Variants in MUSK observed in about 807,000 individuals in gnomAD.
MUSK encodes the protein muscle, skeletal receptor tyrosine-protein kinase.
Under a neutral mutation model 88.7 loss-of-function variants are expected in MUSK, and 55 were observed. The observed-to-expected ratio is 0.62, with a 90% CI of 0.50 to 0.78. The LOEUF is 0.78. Ranked by LOEUF, MUSK falls within the 30% of genes least tolerant of loss-of-function variation. The probability of loss-of-function intolerance (pLI) is 0.00; values close to 1 mark genes in which losing one functional copy is unlikely to be tolerated. For missense variants in MUSK, 1,015 were observed against 1,074.3 expected (o/e 0.94, Z 0.77); for synonymous variants, 387 against 391.9 (o/e 0.99, Z 0.15).
At chr9:110,770,632 A>G (rs2077559688) in intron 9 of MUSK, among the ~76,000 whole-genome samples, 1 of 151,288 alleles carries the variant, frequency 6.6e-6, no homozygotes, top group African/African-American at 2.4e-5. Flanking sequence ...CAATTAACTT[A>G]GGGCACAGAG....
intron 4 of MUSK, among the ~76,000 whole-genome samples, chr9:110,695,935 T>C (rs967881984): frequency 6.6e-6 from 1 of 151,842 alleles, no homozygotes; most frequent in Non-Finnish European, 1.5e-5. Flanking sequence ...AGAAAAGAAA[T>C]GAGATCTCTG....
intron 7 of MUSK, among the ~76,000 whole-genome samples, chr9:110,756,878 C>T (rs1417006312): frequency 2.0e-5 from 3 of 151,734 alleles, no homozygotes; most frequent in Admixed American, 1.3e-4. Flanking sequence ...TACATATTTC[C>T]TACGTGTGTG....
At position 110,805,825 on chromosome 9, in the gene MUSK, T is replaced by A. The variant is rs541137748; in HGVS notation, c.*4837T>A. Among the ~76,000 whole-genome samples the A allele has an allele frequency of 1.7e-3, 120 of 69,534 alleles. No homozygotes were observed. Among genetic ancestry groups the A allele is most frequent in the African/African-American group, 9.4e-3 (120 of 12,726 alleles). The allele number at this position is 69,534 out of a possible 152,430, so 45.6% of individuals were successfully genotyped here. On this transcript the variant is annotated 3_prime_UTR_variant, in exon 15 of 15. Transcript: ENST00000374448. ...CTTAACTACCAAATTAATTTACATA[T>A]ATTTGCATCAATATTAAGTTCATAA...
intron 5 of MUSK, among the ~76,000 whole-genome samples, chr9:110,733,602 G>C (rs1456571497): frequency 6.7e-6 from 1 of 150,108 alleles, no homozygotes; most frequent in Non-Finnish European, 1.5e-5. Context: ...TATATCATCT[G>C]AAAAGTTTGA....
intron 5 of MUSK, among the ~76,000 whole-genome samples, chr9:110,723,670 A>G (rs1026001855): frequency 1.3e-5 from 2 of 152,108 alleles, no homozygotes; most frequent in African/African-American, 4.8e-5. Flanking sequence ...AAAAATACTC[A>G]TCCCCAAAAC....
At chr9:110,709,894 C>A (rs1335785765) in intron 5 of MUSK, among the ~76,000 whole-genome samples, 1 of 152,070 alleles carries the variant, frequency 6.6e-6, no homozygotes, top group African/African-American at 2.4e-5. Context: ...CCTGTAATCC[C>A]AGCCCTTTGG....
At chr9:110,770,913 CT>C in intron 9 of MUSK, among the ~76,000 whole-genome samples, 1 of 151,904 alleles carries the variant, frequency 6.6e-6, no homozygotes, top group African/African-American at 2.4e-5. Context: ...CCATTAATTT[CT>C]TTAGAATTTG....
At chr9:110,716,409 G>A (rs922758626) in intron 5 of MUSK, among the ~76,000 whole-genome samples, 1 of 149,762 alleles carries the variant, frequency 6.7e-6, no homozygotes, top group African/African-American at 2.5e-5. Flanking sequence ...AGAAAGCTCA[G>A]GAAATTAATA....
intron 5 of MUSK, among the ~76,000 whole-genome samples, chr9:110,729,344 AG>A (rs567983965): frequency 3.2e-4 from 40 of 123,618 alleles, no homozygotes; most frequent in Middle Eastern, 4.2e-3. Context: ...AAAAAAAAAA[AG>A]AAAAAAGAAA....
intron 11 of MUSK, among the ~76,000 whole-genome samples, chr9:110,783,557 T>C (rs964538550): frequency 1.3e-5 from 2 of 152,140 alleles, no homozygotes; most frequent in African/African-American, 2.4e-5. Context: ...TTTCTAATTT[T>C]CTGTTTGTAC....
chr9:110,725,604 G>T (rs1409934891), intron 5 of MUSK, among the ~76,000 whole-genome samples: 2 of 151,900 alleles, frequency 1.3e-5, no homozygotes, highest in Non-Finnish European at 2.9e-5. Flanking sequence ...AACAAAATAG[G>T]ATGAAAATGC....
At chr9:110,670,921 G>A (rs2075948610) in intron 1 of MUSK, among the ~76,000 whole-genome samples, 1 of 151,844 alleles carries the variant, frequency 6.6e-6, no homozygotes, top group Admixed American at 6.6e-5. Flanking sequence ...AATGTTGAAG[G>A]GTGAGGAATA....
At chr9:110,748,886 C>T (rs1334288718) in intron 7 of MUSK, among the ~76,000 whole-genome samples, 2 of 152,184 alleles carry the variant, frequency 1.3e-5, no homozygotes, top group Non-Finnish European at 2.9e-5. Flanking sequence ...AAGGTTCCCT[C>T]TCCTTTCTCC....
In MUSK at chr9:110,800,395, C is replaced by A; in HGVS notation, c.2017C>A (p.His673Asn). The change falls in exon 15 of 15, where the codon CAC becomes AAC. Residue 673 changes from histidine (H) to asparagine (N), a missense_variant. Transcript: ENST00000374448. ...LNEFLRSMSP[H>N]TVCSLSHSDL... ...TGAGTTCCTCCGCAGCATGTCCCCT[C>A]ACACCGTGTGCAGCCTCAGTCACAG... 6.2e-7 allele frequency: 1 copy of A among 1,613,916 alleles called. No homozygotes were observed. The highest frequency in any genetic ancestry group is 1.1e-5 in the South Asian group (1 of 91,074).
intron 7 of MUSK, among the ~76,000 whole-genome samples, chr9:110,756,362 T>C (rs1483954916): frequency 2.6e-5 from 4 of 151,982 alleles, no homozygotes; most frequent in Non-Finnish European, 4.4e-5. Context: ...CAATTGCTTA[T>C]GACTGGGGTT....
chr9:110,775,862 G>A lies in MUSK; in HGVS notation c.1259G>A (p.Gly420Glu), dbSNP rs373421409. The A allele has an allele frequency of 1.5e-5, 25 of 1,613,886 alleles. 1 individual carries two copies. In the South Asian group the frequency reaches 2.1e-4, roughly 13 times the overall value. Residue 420 changes from glycine (G) to glutamate (E), a missense_variant, in exon 10 of 15, where the codon GGA becomes GAA. Coordinates refer to ENST00000374448, the MANE Select transcript of MUSK (RefSeq NM_005592.4). ...GTAATGGAAGAGAAGACCCACAGAG[G>A]ACTCTACAGATCCGAGATGCATTTG... Reference protein sequence around the residue: ...WLVMEEKTHRGLYRSEMHLLS... With the variant: ...WLVMEEKTHRELYRSEMHLLS...
intron 5 of MUSK, among the ~76,000 whole-genome samples, chr9:110,700,595 C>T (rs374261498): frequency 1.9e-3 from 291 of 151,828 alleles, no homozygotes; most frequent in African/African-American, 6.7e-3. Context: ...GTGTAGATCA[C>T]GTTGCATTGC....
rs377355441 is a variant in MUSK at position 110,785,695 on chromosome 9, G to A, written c.1755G>A (p.Ala585=). 1.7e-5 allele frequency: 27 copies of A among 1,603,682 alleles called. No individual in the cohort carries two copies. Among genetic ancestry groups the A allele is most frequent in the Admixed American group, 3.4e-5 (2 of 59,390 alleles). ...IEYVRDIGEG[A]FGRVFQARAP... ...ATGTGAGAGACATCGGAGAGGGAGC[G>A]TTTGGAAGGGTGTTTCAAGCAAGGT... The change falls in exon 13 of 15, where the codon GCG becomes GCA. Residue 585 remains alanine, a synonymous_variant. Coordinates refer to ENST00000374448, the MANE Select transcript of MUSK (RefSeq NM_005592.4).
chr9:110,708,755 A>G (rs139599910), intron 5 of MUSK, among the ~76,000 whole-genome samples: 1 of 152,326 alleles, frequency 6.6e-6, no homozygotes, highest in African/African-American at 2.4e-5. Context: ...AGTCACTTGT[A>G]TAATAATGAT....
Sources: gnomAD v4.1 joint callset for allele counts (sites outside exome capture counted in the v4.1 genomes callset) on GRCh38, gnomAD v4.1.1 for gene constraint, MANE v1.5 for transcripts, NCBI Gene and HGNC (gene_info 2026-07-23, HGNC 2026-07-21) for gene names.